The following GPR137C variants were observed in gnomAD, a reference collection of about 807,000 sequenced individuals.
GPR137C encodes integral membrane protein GPR137C.
GPR137C carries 27 observed loss-of-function variants against 43.4 expected under a neutral mutation model. The observed-to-expected ratio is 0.62, with a 90% confidence interval of 0.46 to 0.86. GPR137C has a LOEUF of 0.86. Ranked by LOEUF, GPR137C falls within the 40% of genes least tolerant of loss-of-function variation. GPR137C has a pLI of 0.00. For missense variants in GPR137C, 522 were observed against 534.6 expected (o/e 0.98, Z 0.23); for synonymous variants, 285 against 226.9 (o/e 1.26, Z -2.30).
chr14:52,601,551 C>T (rs2038926140), intron 3 of GPR137C, among the ~76,000 whole-genome samples: 2 of 151,546 alleles, frequency 1.3e-5, no homozygotes, highest in African/African-American at 4.8e-5. Context: ...GAAAATCAGA[C>T]TTTCAAACTT....
At chr14:52,556,992 C>G (rs1267387702) in intron 1 of GPR137C, among the ~76,000 whole-genome samples, 1 of 152,094 alleles carries the variant, frequency 6.6e-6, no homozygotes, top group Non-Finnish European at 1.5e-5. Context: ...TTAACTCTTA[C>G]ATTTATGGAT....
intron 3 of GPR137C, among the ~76,000 whole-genome samples, chr14:52,603,484 A>G (rs1431443982): frequency 1.3e-5 from 2 of 152,136 alleles, no homozygotes; most frequent in Admixed American, 6.5e-5. Context: ...TCTGGATCAT[A>G]TGGTAGTTCT....
At chr14:52,634,299 G>T (rs1035871725) in intron 6 of GPR137C, among the ~76,000 whole-genome samples, 12 of 152,056 alleles carry the variant, frequency 7.9e-5, no homozygotes, top group Non-Finnish European at 1.5e-4. Flanking sequence ...TCAAAATCCA[G>T]AGAAACCCTA....
At chr14:52,566,152 G>T (rs942303361) in intron 1 of GPR137C, among the ~76,000 whole-genome samples, 1 of 152,124 alleles carries the variant, frequency 6.6e-6, no homozygotes, top group Admixed American at 6.5e-5. Context: ...AGGACCCAGG[G>T]ATCATCATCC....
chr14:52,611,566 A>G, intron 3 of GPR137C: 1 of 393,692 alleles, frequency 2.5e-6, no homozygotes, highest in Non-Finnish European at 3.5e-6. Context: ...TTTCATTGTT[A>G]TATTATTTAA....
At chr14:52,604,742 A>T (rs77350236) in intron 3 of GPR137C, among the ~76,000 whole-genome samples, 1 of 152,060 alleles carries the variant, frequency 6.6e-6, no homozygotes, top group Admixed American at 6.6e-5. Context: ...GCCATCGCGC[A>T]CAGCCAAAAT....
At chr14:52,600,045 A>T (rs2038904822) in intron 2 of GPR137C, 68 bp from the exon 3 acceptor site, 1 of 1,002,326 alleles carries the variant, frequency 1.0e-6, no homozygotes, top group Non-Finnish European at 1.5e-6. Flanking sequence ...AACATAACAC[A>T]CTAATGCAGA....
At chr14:52,588,447 A>G (rs1180628986) in intron 1 of GPR137C, among the ~76,000 whole-genome samples, 2 of 152,138 alleles carry the variant, frequency 1.3e-5, no homozygotes, top group African/African-American at 2.4e-5. Flanking sequence ...TTCTGGCCCA[A>G]TTGATTAAAG....
At chr14:52,554,222 G>A (rs1245822195) in intron 1 of GPR137C, among the ~76,000 whole-genome samples, 1 of 152,170 alleles carries the variant, frequency 6.6e-6, no homozygotes, top group Admixed American at 6.5e-5. Flanking sequence ...AGCCCTTAAT[G>A]TTTGCCCCAG....
chr14:52,593,046 G>A (rs977113912), intron 1 of GPR137C, among the ~76,000 whole-genome samples: 5 of 152,196 alleles, frequency 3.3e-5, no homozygotes, highest in Admixed American at 3.3e-4. Context: ...ATGAAGGGCT[G>A]TTGAATTTAA....
rs552426590 is a variant in GPR137C at position 52,596,478 on chromosome 14, C to G, written c.445-1794C>G. On this transcript the variant is annotated intron_variant, in intron 1 of 6. Coordinates refer to ENST00000321662, the MANE Select transcript of GPR137C (RefSeq NM_001099652.2). The stretch of plus-strand genomic sequence containing the variant: ...CTTGCTGAGCTGCGGTGGGCTCTGC[C>G]CAGTTCGAGCTTCCTGGCTGGTTTG... 9.8e-5 allele frequency among the ~76,000 whole-genome samples: 15 copies of G among 152,348 alleles called. 1 individual carries two copies. In the South Asian group the frequency reaches 3.1e-3, roughly 32 times the overall value.
At chr14:52,577,514 G>GCACACACACACACACACACACACA (rs752625898) in intron 1 of GPR137C, among the ~76,000 whole-genome samples, 10 of 118,476 alleles carry the variant, frequency 8.4e-5, no homozygotes, top group African/African-American at 1.7e-4. Flanking sequence ...GTGCGCGCGC[G>GCACACACACACACACACACACACA]CGCACACACA....
chr14:52,620,811 A>G (rs2039152034), intron 3 of GPR137C, among the ~76,000 whole-genome samples: 1 of 152,136 alleles, frequency 6.6e-6, no homozygotes, highest in Admixed American at 6.5e-5. Flanking sequence ...TAACAGCAGC[A>G]TATTGGAGAT....
chr14:52,557,027 T>C (rs1027143497), intron 1 of GPR137C, among the ~76,000 whole-genome samples: 16 of 152,198 alleles, frequency 1.1e-4, no homozygotes, highest in African/African-American at 3.6e-4. Flanking sequence ...TACCAGTAGA[T>C]ATATTCTTAT....
intron 1 of GPR137C, among the ~76,000 whole-genome samples, chr14:52,581,906 G>A (rs1486544570): frequency 6.6e-6 from 1 of 152,208 alleles, no homozygotes; most frequent in African/African-American, 2.4e-5. Context: ...AAAAGCATTT[G>A]TTCTATAAGT....
intron 2 of GPR137C, among the ~76,000 whole-genome samples, chr14:52,599,135 G>A (rs915799094): frequency 2.0e-5 from 3 of 152,096 alleles, no homozygotes; most frequent in Non-Finnish European, 2.9e-5. Context: ...GATTACGTTC[G>A]TGCAGATAGT....
intron 1 of GPR137C, among the ~76,000 whole-genome samples, chr14:52,593,129 A>C (rs553826059): frequency 3.3e-5 from 5 of 152,188 alleles, no homozygotes; most frequent in Non-Finnish European, 7.3e-5. Flanking sequence ...GTGATGGATT[A>C]TGTTTATTGA....
chr14:52,560,528 CAAG>C (rs1020217071), intron 1 of GPR137C, among the ~76,000 whole-genome samples: 4 of 152,056 alleles, frequency 2.6e-5, no homozygotes, highest in African/African-American at 9.7e-5. Flanking sequence ...CTACAGTAAT[CAAG>C]AGAGTGTAAT....
chr14:52,623,277 T>A lies in GPR137C; in HGVS notation c.718-8883T>A, dbSNP rs149605429. 3.3e-3 allele frequency among the ~76,000 whole-genome samples: 500 copies of A among 152,258 alleles called. 5 individuals are homozygous for A. The highest frequency in any genetic ancestry group is 0.012 in the African/African-American group (482 of 41,574). Reference sequence around the variant, plus strand: ...AGTTAAATCCTTAAATCAGTGAATTTCTGTATAATTGGAAATGGCAATGCC... The same window carrying A: ...AGTTAAATCCTTAAATCAGTGAATTACTGTATAATTGGAAATGGCAATGCC... On this transcript the variant is annotated intron_variant, in intron 3 of 6. Transcript: ENST00000321662.
Sources: gnomAD v4.1 joint callset for allele counts (sites outside exome capture counted in the v4.1 genomes callset) on GRCh38, gnomAD v4.1.1 for gene constraint, MANE v1.5 for transcripts, NCBI Gene and HGNC (gene_info 2026-07-23, HGNC 2026-07-21) for gene names.